The following POU6F2 variants were observed in gnomAD, a reference collection of about 807,000 sequenced individuals.
POU6F2 encodes POU domain, class 6, transcription factor 2.
POU6F2 carries 31 observed loss-of-function variants against 71.3 expected under a neutral mutation model. The ratio of observed to expected loss-of-function variants is 0.43; its 90% CI spans 0.33 to 0.59. POU6F2 has a LOEUF of 0.59. Among genes scored for constraint, POU6F2 ranks in the 20% least tolerant of loss-of-function variants. The pLI, the probability that POU6F2 is intolerant of heterozygous loss-of-function variation, is 0.04. For missense variants in POU6F2, 783 were observed against 856.8 expected (o/e 0.91, Z 1.07); for synonymous variants, 347 against 355.7 (o/e 0.98, Z 0.27).
chr7:39,435,746 G>A (rs1241892469), intron 7 of POU6F2, among the ~76,000 whole-genome samples: 1 of 152,092 alleles, frequency 6.6e-6, no homozygotes, highest in East Asian at 1.9e-4. Flanking sequence ...TTCTTCTAGG[G>A]TTTTTATGGT....
intron 8 of POU6F2, among the ~76,000 whole-genome samples, chr7:39,457,878 T>A (rs566998749): frequency 1.3e-5 from 2 of 152,218 alleles, no homozygotes; most frequent in African/African-American, 4.8e-5. Flanking sequence ...GCCAGACCCC[T>A]CTCTCACTGT....
chr7:38,981,994 G>A (rs1229029), intron 1 of POU6F2, among the ~76,000 whole-genome samples: 23,948 of 152,146 alleles, frequency 0.16, 2,318 homozygotes, highest in Non-Finnish European at 0.22. Context: ...AGTATTTAAT[G>A]TAGATTTAAT....
chr7:39,411,202 G>A (rs182008403), intron 6 of POU6F2, among the ~76,000 whole-genome samples: 19 of 152,244 alleles, frequency 1.2e-4, no homozygotes, highest in Non-Finnish European at 1.8e-4. Context: ...TGGATAGTTC[G>A]GCAGGGAGGA....
At chr7:39,129,215 T>C (rs1419859768) in intron 2 of POU6F2, among the ~76,000 whole-genome samples, 8 of 152,176 alleles carry the variant, frequency 5.3e-5, no homozygotes, top group African/African-American at 1.7e-4. Context: ...GGCTTTCTCC[T>C]TGGGAATCTC....
At chr7:39,122,415 A>C (rs1234255481) in intron 2 of POU6F2, among the ~76,000 whole-genome samples, 1 of 152,176 alleles carries the variant, frequency 6.6e-6, no homozygotes, top group Non-Finnish European at 1.5e-5. Context: ...TTTTCCCATC[A>C]CCTGAATGGG....
At chr7:39,329,338 T>C (rs551887991) in intron 4 of POU6F2, among the ~76,000 whole-genome samples, 1 of 151,286 alleles carries the variant, frequency 6.6e-6, no homozygotes, top group African/African-American at 2.4e-5. Flanking sequence ...TGATTGTGCT[T>C]TCACCAACCC....
chr7:39,312,951 A>G (rs1249792630), intron 4 of POU6F2, among the ~76,000 whole-genome samples: 1 of 152,092 alleles, frequency 6.6e-6, no homozygotes, highest in East Asian at 1.9e-4. Flanking sequence ...TCCATTTAAT[A>G]TTTTCTGACC....
chr7:39,169,070 T>C (rs763927061), intron 2 of POU6F2, among the ~76,000 whole-genome samples: 1 of 152,190 alleles, frequency 6.6e-6, no homozygotes, highest in Non-Finnish European at 1.5e-5. Flanking sequence ...ATTAACTGAG[T>C]TGTACATTTT....
intron 1 of POU6F2, among the ~76,000 whole-genome samples, chr7:39,084,217 T>C (rs1017654160): frequency 6.6e-6 from 1 of 152,190 alleles, no homozygotes; most frequent in African/African-American, 2.4e-5. Context: ...TTTGTTTTAT[T>C]ATATGTTTCA....
chr7:39,443,998 C>T (rs1788468587), intron 7 of POU6F2, among the ~76,000 whole-genome samples: 1 of 152,176 alleles, frequency 6.6e-6, no homozygotes, highest in South Asian at 2.1e-4. Flanking sequence ...ATAGGACTGT[C>T]AGACCAGATG....
At chr7:39,374,403 C>T (rs1375299219) in intron 5 of POU6F2, among the ~76,000 whole-genome samples, 1 of 152,144 alleles carries the variant, frequency 6.6e-6, no homozygotes, top group African/African-American at 2.4e-5. Context: ...CATTTGGGTT[C>T]GCCTTTTCTT....
chr7:39,300,908 G>A (rs533288943), intron 4 of POU6F2, among the ~76,000 whole-genome samples: 2 of 152,284 alleles, frequency 1.3e-5, no homozygotes, highest in East Asian at 3.9e-4. Flanking sequence ...ACATAATTCA[G>A]CCTCTAACAA....
At chr7:39,108,425 A>G (rs1007132015) in intron 2 of POU6F2, among the ~76,000 whole-genome samples, 2 of 151,986 alleles carry the variant, frequency 1.3e-5, no homozygotes, top group African/African-American at 4.8e-5. Flanking sequence ...CCTCAGCTGG[A>G]CTGCTCATGG....
chr7:39,430,864 T>C (rs1376451046), intron 6 of POU6F2, among the ~76,000 whole-genome samples: 2 of 152,116 alleles, frequency 1.3e-5, no homozygotes, highest in Non-Finnish European at 2.9e-5. Context: ...CCTAAGACAC[T>C]GGGGAAGGCC....
chr7:39,332,183 G>GT (rs1785669252), intron 4 of POU6F2, among the ~76,000 whole-genome samples: 1 of 152,076 alleles, frequency 6.6e-6, no homozygotes, highest in African/African-American at 2.4e-5. Flanking sequence ...GAATTTTCTT[G>GT]TTTCTTTTTT....
chr7:39,064,486 T>A (rs1790719027), intron 1 of POU6F2, among the ~76,000 whole-genome samples: 1 of 150,452 alleles, frequency 6.6e-6, no homozygotes, highest in Non-Finnish European at 1.5e-5. Context: ...AAAAAACAAA[T>A]GAGACGCATA....
intron 4 of POU6F2, among the ~76,000 whole-genome samples, chr7:39,255,477 G>A (rs147146414): frequency 6.6e-6 from 1 of 152,298 alleles, no homozygotes; most frequent in East Asian, 1.9e-4. Flanking sequence ...TGTGTGTCTG[G>A]TGTCACATGA....
At chr7:39,084,699 A>C (rs1791197594) in intron 1 of POU6F2, among the ~76,000 whole-genome samples, 1 of 152,106 alleles carries the variant, frequency 6.6e-6, no homozygotes, top group South Asian at 2.1e-4. Context: ...TTCACTTTTC[A>C]AGCATGAATA....
intron 6 of POU6F2, among the ~76,000 whole-genome samples, chr7:39,423,793 A>C (rs1787907984): frequency 6.6e-6 from 1 of 152,164 alleles, no homozygotes; most frequent in Admixed American, 6.5e-5. Context: ...TCCCTTGCCC[A>C]AACAGAATTA....
Sources: allele counts gnomAD v4.1 joint callset (sites outside exome capture counted in the v4.1 genomes callset), GRCh38; gene constraint gnomAD v4.1.1; transcripts MANE v1.5; gene names NCBI Gene and HGNC (gene_info 2026-07-23, HGNC 2026-07-21).